LAMC2: variants seen among roughly 807,000 people sequenced by gnomAD.
LAMC2 encodes laminin subunit gamma-2.
A neutral mutation model predicts 140.2 loss-of-function variants in LAMC2; 97 were observed. That is an observed-to-expected ratio of 0.69 (90% confidence interval 0.59 to 0.82). The LOEUF (loss-of-function observed/expected upper bound fraction) is 0.82, where lower values mean the gene tolerates loss of function less well. Among genes scored for constraint, LAMC2 ranks in the 40% least tolerant of loss-of-function variants. The pLI, the probability that LAMC2 is intolerant of heterozygous loss-of-function variation, is 0.00. For missense variants in LAMC2, 1,402 were observed against 1,476.1 expected, an observed-to-expected ratio of 0.95 and a Z score of 0.82; for synonymous variants, 513 against 540.2, an observed-to-expected ratio of 0.95 and a Z score of 0.70.
In LAMC2 at chr1:183,236,548, C is replaced by T. The variant is rs1244239473; in HGVS notation, c.2545C>T (p.Leu849Phe). Residue 849 changes from leucine to phenylalanine, a missense_variant, in exon 17 of 23, where the codon CTC becomes TTC. This residue lies in a region of LAMC2 where 670 missense variants were observed against 667.2 expected (regional missense o/e 1.00). Transcript: ENST00000264144. The stretch of plus-strand genomic sequence containing the variant: ...AGCAGATAGGTCTTATCAGCACAGT[C>T]TCCGCCTCCTGGATTCAGTGTCTCG... ...IEADRSYQHS[L>F]RLLDSVSRLQ... The T allele has an allele frequency of 1.9e-6, 3 of 1,614,062 alleles. No individual in the cohort carries two copies. Among genetic ancestry groups the T allele is most frequent in the East Asian group, 4.5e-5 (2 of 44,894 alleles).
Position 183,232,644 on chromosome 1 carries a change from G to A in LAMC2, c.2015-8G>A, listed in dbSNP as rs770959139. 4 of 1,611,446 alleles carry A rather than the reference G, an allele frequency of 2.5e-6. No individual in the cohort carries two copies. In the African/African-American group the frequency reaches 5.3e-5, roughly 22 times the overall value. ...GTGCTCATGCTCCCTTTCCTTCTTT[G>A]CGTTCAGGTGCTAGCAGATCCCTTG... On this transcript the variant is annotated splice_polypyrimidine_tract_variant and splice_region_variant and intron_variant, in intron 13 of 22. Transcript: ENST00000264144.
At chr1:183,258,467 T>A in the LAMC2 span, among the ~76,000 whole-genome samples, 1 of 152,326 alleles carries the variant, frequency 6.6e-6, no homozygotes, top group African/African-American at 2.4e-5. Flanking sequence ...GTTCCTGGTG[T>A]AGGCTGAACT....
intron 20 of LAMC2, 151 bp from the exon 21 acceptor site, chr1:183,239,889 C>T: frequency 1.1e-6 from 1 of 897,430 alleles, no homozygotes; most frequent in South Asian, 1.4e-5. Flanking sequence ...GGCAAAGTAC[C>T]CCTGTCCCTA....
intron 1 of LAMC2, among the ~76,000 whole-genome samples, chr1:183,202,217 CAACAACAAA>C (rs1427164156): frequency 6.8e-6 from 1 of 146,204 alleles, no homozygotes; most frequent in African/African-American, 2.5e-5. Context: ...GCAACAACAA[CAACAACAAA>C]AAAAAAAAAA....
Position 183,226,385 on chromosome 1 carries a change from G to A in LAMC2, c.1067-313G>A, listed in dbSNP as rs6694787. 4.8e-3 allele frequency among the ~76,000 whole-genome samples: 725 copies of A among 152,006 alleles called. 15 individuals are homozygous for A. The highest frequency in any genetic ancestry group is 0.015 in the African/African-American group (639 of 41,450). On this transcript the variant is annotated intron_variant, in intron 8 of 22. Transcript: ENST00000264144. ...AATTATCTAATTTAATTTTCACAAC[G>A]GACATAAGAGATAAATACCACCGTT...
At chr1:183,208,169 G>A in intron 2 of LAMC2, 100 bp downstream of exon 2, 2 of 1,173,392 alleles carry the variant, frequency 1.7e-6, no homozygotes, top group Non-Finnish European at 2.5e-6. Context: ...GAACAACGGA[G>A]GAAAAAGAAA....
intron 13 of LAMC2, 108 bp downstream of exon 13, chr1:183,232,451 C>A: frequency 7.6e-7 from 1 of 1,322,882 alleles, no homozygotes. Context: ...GCAGTTATCT[C>A]CAGCCAGCCC....
rs1253623880 is a variant in LAMC2, at chr1:183,226,804, A to C, written c.1173A>C (p.Gln391His). ...QCICPVGYKG[Q>H]FCQDCASGYK... ...TATGTCCTGTTGGGTACAAGGGGCA[A>C]TTCTGCCAGGATTGTGCTTCTGGCT... The change falls in exon 9 of 23, where the codon CAA (glutamine) becomes CAC (histidine). Residue 391 changes from glutamine to histidine, a missense_variant. Coordinates refer to ENST00000264144, the MANE Select transcript of LAMC2 (RefSeq NM_005562.3). 1.2e-6 allele frequency: 2 copies of C among 1,614,174 alleles called. No individual in the cohort carries two copies. The highest frequency in any genetic ancestry group is 1.7e-6 in the Non-Finnish European group (2 of 1,180,024).
At position 183,225,724 on chromosome 1, in the gene LAMC2, A is replaced by G. The variant is rs368764564; in HGVS notation, c.1066+4A>G. 6 of 1,565,890 alleles carry G rather than the reference A, an allele frequency of 3.8e-6. No individual in the cohort carries two copies. The highest frequency in any genetic ancestry group is 1.7e-5 in the Admixed American group (1 of 59,954). On this transcript the variant is annotated splice_donor_region_variant and intron_variant, in intron 8 of 22. Coordinates refer to ENST00000264144, the MANE Select transcript of LAMC2 (RefSeq NM_005562.3). ...CGAGCTACATATGGAGAATACAGTA[A>G]GTGGCTACGAGAAATTAATTTCTTT...
chr1:183,225,615 G>C lies in LAMC2; in HGVS notation c.961G>C (p.Glu321Gln), dbSNP rs991356756. 6.2e-7 allele frequency: 1 copy of C among 1,609,582 alleles called. No individual in the cohort carries two copies. The highest frequency in any genetic ancestry group is 8.5e-7 in the Non-Finnish European group (1 of 1,175,872). Residue 321 changes from glutamate (E) to glutamine (Q), a missense_variant, in exon 8 of 23, where the codon GAG (glutamate) becomes CAG (glutamine). Coordinates refer to ENST00000264144, the MANE Select transcript of LAMC2 (RefSeq NM_005562.3). ...LTKTYTFRLNEHPSNNWSPQL... is the reference protein window; with the variant it reads ...LTKTYTFRLNQHPSNNWSPQL... Reference sequence around the variant, plus strand: ...TGATTTTAAATTATGCAGGTTAAATGAGCATCCAAGCAATAATTGGAGCCC... The same window carrying C: ...TGATTTTAAATTATGCAGGTTAAATCAGCATCCAAGCAATAATTGGAGCCC...
chr1:183,195,958 A>G (rs1571501121), intron 1 of LAMC2, among the ~76,000 whole-genome samples: 2 of 152,328 alleles, frequency 1.3e-5, no homozygotes, highest in Non-Finnish European at 2.9e-5. Flanking sequence ...ATAATATAAT[A>G]AAAACATTCA....
At chr1:183,196,655 A>G (rs1334467642) in intron 1 of LAMC2, among the ~76,000 whole-genome samples, 1 of 152,220 alleles carries the variant, frequency 6.6e-6, no homozygotes, top group East Asian at 1.9e-4. Context: ...CTATCTTTGA[A>G]CATAAAAGAG....
intron 6 of LAMC2, 59 bp from the exon 7 acceptor site, chr1:183,223,076 A>C: frequency 6.6e-7 from 1 of 1,518,922 alleles, no homozygotes; most frequent in Non-Finnish European, 9.1e-7. Flanking sequence ...GCAAACTTGC[A>C]TGTGTTTGCC....
chr1:183,226,607 G>T, intron 8 of LAMC2, 91 bp from the exon 9 acceptor site: 1 of 1,101,092 alleles, frequency 9.1e-7, no homozygotes, highest in South Asian at 1.3e-5. Flanking sequence ...CTTTGTTAGG[G>T]AGTTAAGAAA....
intron 1 of LAMC2, among the ~76,000 whole-genome samples, chr1:183,193,577 A>C (rs1658414378): frequency 6.6e-6 from 1 of 152,060 alleles, no homozygotes; most frequent in East Asian, 1.9e-4. Context: ...TTGGTAGGGG[A>C]TTCCTAGTGT....
intron 13 of LAMC2, 86 bp from the exon 14 acceptor site, chr1:183,232,566 C>A: frequency 7.8e-7 from 1 of 1,278,608 alleles, no homozygotes; most frequent in Non-Finnish European, 1.1e-6. Context: ...GTCATTTGAC[C>A]ATAAGCCAGT....
chr1:183,207,795 C>A, intron 1 of LAMC2, 86 bp from the exon 2 acceptor site: 2 of 1,149,936 alleles, frequency 1.7e-6, no homozygotes, highest in Non-Finnish European at 1.3e-6. Flanking sequence ...TAATTTCTAT[C>A]AATAATAACA....
chr1:183,193,506 T>C (rs1432463740), intron 1 of LAMC2, among the ~76,000 whole-genome samples: 1 of 99,920 alleles, frequency 1.0e-5, no homozygotes, highest in African/African-American at 4.7e-5. Flanking sequence ...ATGTAAGCTT[T>C]ATACATACTT....
rs773847009 is a variant in LAMC2 at position 183,239,440 on chromosome 1, G to A, written c.2946G>A (p.Lys982=). 1 of 1,614,216 alleles carries A rather than the reference G, an allele frequency of 6.2e-7. No homozygotes were observed. The highest frequency in any genetic ancestry group is 8.5e-7 in the Non-Finnish European group (1 of 1,180,030). The stretch of plus-strand genomic sequence containing the variant: ...AGAGACTCTCCTACATCAGCCAGAA[G>A]GTTTCAGATGCCAGTGACAAGACCC... ...AMKRLSYISQ[K]VSDASDKTQQ... Residue 982 remains lysine, a synonymous_variant, in exon 20 of 23, where the codon AAG becomes AAA. Coordinates refer to ENST00000264144, the MANE Select transcript of LAMC2 (RefSeq NM_005562.3).
Sources: allele counts gnomAD v4.1 joint callset (sites outside exome capture counted in the v4.1 genomes callset), GRCh38; gene constraint gnomAD v4.1.1; regional missense constraint gnomAD v4.1.1; transcripts MANE v1.5; gene names NCBI Gene and HGNC (gene_info 2026-07-23, HGNC 2026-07-21).